The following GOLM2 variants were observed in gnomAD, a reference collection of about 807,000 sequenced individuals.
The protein encoded by GOLM2 is protein GOLM2.
A neutral mutation model predicts 55.9 loss-of-function variants in GOLM2; 26 were observed. The observed-to-expected ratio is 0.47, with a 90% confidence interval of 0.34 to 0.65. The LOEUF (loss-of-function observed/expected upper bound fraction) is 0.65, where lower values mean the gene tolerates loss of function less well. Ranked by LOEUF, GOLM2 falls within the 30% of genes least tolerant of loss-of-function variation. GOLM2 has a pLI of 0.01. For missense variants in GOLM2, 486 were observed against 531.8 expected, an observed-to-expected ratio of 0.91 and a Z score of 0.85; for synonymous variants, 165 against 194.6, an observed-to-expected ratio of 0.85 and a Z score of 1.27.
At chr15:44,365,044 C>T (rs1429130018) in intron 6 of GOLM2, among the ~76,000 whole-genome samples, 1 of 152,124 alleles carries the variant, frequency 6.6e-6, no homozygotes, top group Non-Finnish European at 1.5e-5. Flanking sequence ...TGGTATCTAT[C>T]AAAAAGAGTT....
intron 8 of GOLM2, among the ~76,000 whole-genome samples, chr15:44,381,831 T>G (rs1335780957): frequency 2.0e-5 from 3 of 152,148 alleles, no homozygotes; most frequent in African/African-American, 7.2e-5. Flanking sequence ...ATTTATTTAT[T>G]TTTAGAGACG....
chr15:44,388,307 G>A (rs888095411), intron 8 of GOLM2, among the ~76,000 whole-genome samples: 15 of 146,438 alleles, frequency 1.0e-4, no homozygotes, highest in Admixed American at 4.8e-4. Context: ...TAGTATTCTT[G>A]TGTTTATTCA....
intron 8 of GOLM2, among the ~76,000 whole-genome samples, chr15:44,397,678 T>A (rs1228275301): frequency 6.6e-6 from 1 of 152,162 alleles, no homozygotes; most frequent in Admixed American, 6.6e-5. Context: ...TCTGATAGTT[T>A]AACCAATCAC....
intron 8 of GOLM2, among the ~76,000 whole-genome samples, chr15:44,390,754 A>G (rs1051390721): frequency 5.9e-5 from 9 of 152,028 alleles, no homozygotes; most frequent in African/African-American, 2.2e-4. Context: ...TTTTTAGTAG[A>G]GACGGGGTTT....
At chr15:44,312,490 T>G (rs1406897540) in intron 1 of GOLM2, among the ~76,000 whole-genome samples, 1 of 152,142 alleles carries the variant, frequency 6.6e-6, no homozygotes, top group Non-Finnish European at 1.5e-5. Context: ...TCTTTCCTCT[T>G]TGTTAAAATA....
At chr15:44,379,869 CT>C in intron 7 of GOLM2, 81 bp downstream of exon 7, 1 of 749,898 alleles carries the variant, frequency 1.3e-6, no homozygotes, top group East Asian at 2.7e-5. Context: ...AAATATATCA[CT>C]TAGCAGTATA....
At chr15:44,374,117 A>G (rs2079348593) in intron 6 of GOLM2, among the ~76,000 whole-genome samples, 1 of 152,054 alleles carries the variant, frequency 6.6e-6, no homozygotes, top group South Asian at 2.1e-4. Context: ...AAATAAATAA[A>G]TATATAAATA....
At position 44,288,912 on chromosome 15, in the gene GOLM2, C is replaced by A; in HGVS notation, c.-118C>A. ...CCGGCTCGCAGCCGACCGGTAAGCC[C>A]GCCTCCTCCCTCGGCCGGCCCTGGG... On this transcript the variant is annotated 5_prime_UTR_variant, in exon 1 of 10. Coordinates refer to ENST00000299957, the MANE Select transcript of GOLM2 (RefSeq NM_138423.4). The A allele has an allele frequency of 1.1e-6, 1 of 925,374 alleles. No homozygotes were observed. Among genetic ancestry groups the A allele is most frequent in the South Asian group, 1.7e-5 (1 of 58,546 alleles). 57.3% of individuals were successfully genotyped at this position (925,374 alleles called of 1,614,324 possible).
chr15:44,308,644 C>G (rs1194913868), intron 1 of GOLM2: 1 of 151,942 alleles, frequency 6.6e-6, no homozygotes, highest in Admixed American at 6.6e-5. Context: ...TTTCTGTCAC[C>G]TAGGCTGGGT....
In GOLM2 at chr15:44,403,157, C is replaced by T. The variant is rs958302447; in HGVS notation, c.1240+103C>T. 2.9e-6 allele frequency: 4 copies of T among 1,365,786 alleles called. No homozygotes were observed. The African/African-American group carries it at 5.8e-5, about 20-fold the overall frequency. The allele number at this position is 1,365,786 out of a possible 1,614,324, so 84.6% of individuals were successfully genotyped here. Reference sequence around the variant, plus strand: ...CCCCCACTTATTAGTGGCAGTGTAACCTAAATTTTTTGTTTTTTCTTTGTG... The same window carrying T: ...CCCCCACTTATTAGTGGCAGTGTAATCTAAATTTTTTGTTTTTTCTTTGTG... On this transcript the variant is annotated intron_variant, in intron 9 of 9. Transcript: ENST00000299957.
intron 8 of GOLM2, among the ~76,000 whole-genome samples, chr15:44,387,781 A>G (rs566842556): frequency 6.6e-5 from 10 of 152,090 alleles, no homozygotes; most frequent in African/African-American, 1.7e-4. Context: ...AAAAAAAGAA[A>G]TAAGACTGAT....
At chr15:44,310,710 A>G (rs577121260) in intron 1 of GOLM2, among the ~76,000 whole-genome samples, 3 of 151,132 alleles carry the variant, frequency 2.0e-5, no homozygotes, top group East Asian at 2.0e-4. Flanking sequence ...GTCTCAATCA[A>G]TCAATCAGTC....
intron 8 of GOLM2, chr15:44,390,565 ATTT>A (rs201684087): frequency 2.8e-5 from 4 of 142,570 alleles, no homozygotes; most frequent in Non-Finnish European, 4.6e-5. Flanking sequence ...TACATATAGA[ATTT>A]TTTTTTTTTT....
At chr15:44,367,211 C>G (rs1363496523) in intron 6 of GOLM2, among the ~76,000 whole-genome samples, 2 of 130,498 alleles carry the variant, frequency 1.5e-5, no homozygotes, top group African/African-American at 5.6e-5. Flanking sequence ...CTGTCTGGCC[C>G]TTTTTTTTTT....
At position 44,328,671 on chromosome 15, in the gene GOLM2, C is replaced by G. The variant is rs766544492; in HGVS notation, c.383-14C>G. ...GTGAACTTGATTCCTTTGGTTCTTA[C>G]CTTGGGTGGATAGAGCAACTTGCTG... On this transcript the variant is annotated splice_polypyrimidine_tract_variant and intron_variant, in intron 2 of 9. Coordinates refer to ENST00000299957, the MANE Select transcript of GOLM2 (RefSeq NM_138423.4). 2 of 1,597,512 alleles carry G rather than the reference C, an allele frequency of 1.3e-6. No homozygotes were observed. The highest frequency in any genetic ancestry group is 1.7e-6 in the Non-Finnish European group (2 of 1,169,012).
At chr15:44,344,308 TA>T (rs761286998) in intron 6 of GOLM2, among the ~76,000 whole-genome samples, 17 of 147,802 alleles carry the variant, frequency 1.2e-4, no homozygotes, top group East Asian at 3.9e-4. Flanking sequence ...TATATATATA[TA>T]TACCTCTGAA....
intron 6 of GOLM2, among the ~76,000 whole-genome samples, chr15:44,339,552 G>T (rs2079077849): frequency 6.6e-6 from 1 of 151,856 alleles, no homozygotes; most frequent in Non-Finnish European, 1.5e-5. Context: ...TTGGCCAGCT[G>T]GTCTCGAACT....
chr15:44,363,828 T>C (rs1451308684), intron 6 of GOLM2, among the ~76,000 whole-genome samples: 4 of 151,682 alleles, frequency 2.6e-5, no homozygotes, highest in African/African-American at 9.7e-5. Flanking sequence ...ATTAAGAAAA[T>C]GTGGCACATA....
chr15:44,296,816 C>T (rs929893870), intron 1 of GOLM2, among the ~76,000 whole-genome samples: 4 of 152,194 alleles, frequency 2.6e-5, no homozygotes, highest in African/African-American at 4.8e-5. Flanking sequence ...GTTGGCTCCT[C>T]CCATAGGTGT....
Sources: gnomAD v4.1 joint callset for allele counts (sites outside exome capture counted in the v4.1 genomes callset) on GRCh38, gnomAD v4.1.1 for gene constraint, MANE v1.5 for transcripts, NCBI Gene and HGNC (gene_info 2026-07-23, HGNC 2026-07-21) for gene names.